The following RPS6KA1 variants were observed in gnomAD, a reference collection of about 807,000 sequenced individuals.
The protein encoded by RPS6KA1 is ribosomal protein S6 kinase A1.
RPS6KA1 carries 48 observed loss-of-function variants against 91.3 expected under a neutral mutation model. The observed-to-expected ratio is 0.53, with a 90% CI of 0.42 to 0.67. RPS6KA1 has a LOEUF of 0.67. RPS6KA1 is among the 30% of genes least tolerant of loss of function. The probability of loss-of-function intolerance (pLI) is 0.00; values close to 1 mark genes in which losing one functional copy is unlikely to be tolerated. For synonymous variants in RPS6KA1, 359 were observed against 384.7 expected (o/e 0.93, Z 0.78); for missense variants, 719 against 960.5 (o/e 0.75, Z 3.32).
intron 4 of RPS6KA1, among the ~76,000 whole-genome samples, chr1:26,549,397 C>T (rs971899317): frequency 2.6e-5 from 4 of 151,752 alleles, no homozygotes; most frequent in African/African-American, 9.7e-5. Context: ...ATGGTGAAAC[C>T]CTGTCTCTAC....
Position 26,574,006 on chromosome 1 carries a change from A to C in RPS6KA1, c.2086-73A>C. 6.5e-7 allele frequency: 1 copy of C among 1,548,642 alleles called. No individual in the cohort carries two copies. Among genetic ancestry groups the C allele is most frequent in the Non-Finnish European group, 8.8e-7 (1 of 1,135,952 alleles). ...GTGGAACACTGAGAGGGGCTGGCCTACCCTTGGGGCATGGATCCCCTCCCC... is the reference window on the plus strand; with the variant it reads ...GTGGAACACTGAGAGGGGCTGGCCTCCCCTTGGGGCATGGATCCCCTCCCC... On this transcript the variant is annotated intron_variant, in intron 21 of 21. Coordinates refer to ENST00000374168, the MANE Select transcript of RPS6KA1 (RefSeq NM_002953.4). The surrounding 1 kb of genome is among the most constrained non-coding windows in gnomAD (Gnocchi z 4.3).
At position 26,536,937 on chromosome 1, in the gene RPS6KA1, T is replaced by G; in HGVS notation, c.76T>G (p.Ser26Ala). 6.2e-7 allele frequency: 1 copy of G among 1,614,092 alleles called. No individual in the cohort carries two copies. The highest frequency in any genetic ancestry group is 8.5e-7 in the Non-Finnish European group (1 of 1,179,980). Residue 26 changes from serine (S) to alanine (A), a missense_variant, in exon 2 of 22, where the codon TCA becomes GCA. Ser to Ala is a moderately conservative substitution (Grantham distance 99). Transcript: ENST00000374168. ...VPLDPENGQT[S>A]GEEAGLQPSK... ...TTCTCTTTTCCAGAATGGACAGACCTCAGGGGAAGAAGCTGGACTTCAGCC... is the reference window on the plus strand; with the variant it reads ...TTCTCTTTTCCAGAATGGACAGACCGCAGGGGAAGAAGCTGGACTTCAGCC...
Position 26,555,354 on chromosome 1 carries a change from A to G in RPS6KA1, c.827+133A>G. The G allele has an allele frequency of 9.5e-7, 1 of 1,048,040 alleles. No homozygotes were observed. Among genetic ancestry groups the G allele is most frequent in the Non-Finnish European group, 1.4e-6 (1 of 706,192 alleles). The allele number at this position is 1,048,040 out of a possible 1,614,324, so 64.9% of individuals were successfully genotyped here. A position where few individuals can be genotyped will look rare whatever the true frequency, so the allele number is the denominator to read the frequency against. ...GAGACTCTCCTCTGGGTTAAACATT[A>G]TACCTTCCAGAGCCCCTCTTTCATC... On this transcript the variant is annotated intron_variant, in intron 10 of 21. Coordinates refer to ENST00000374168, the MANE Select transcript of RPS6KA1 (RefSeq NM_002953.4). This position sits in a 1 kb window ranked among gnomAD's most constrained non-coding sequence, Gnocchi z 4.3.
At chr1:26,564,551 C>G (rs181828870) in intron 17 of RPS6KA1, among the ~76,000 whole-genome samples, 32 of 152,314 alleles carry the variant, frequency 2.1e-4, no homozygotes, top group Admixed American at 1.9e-3. Flanking sequence ...AGCCACCGCG[C>G]CCGGCCACGC....
At position 26,573,316 on chromosome 1, in the gene RPS6KA1, G is replaced by A; in HGVS notation, c.2040G>A (p.Lys680=). 4 of 1,614,204 alleles carry A rather than the reference G, an allele frequency of 2.5e-6. No homozygotes were observed. Among genetic ancestry groups the A allele is most frequent in the Non-Finnish European group, 3.4e-6 (4 of 1,180,030 alleles). Reference sequence around the variant, plus strand: ...ATCCATGGGTCACCCAGAAAGACAAGCTTCCCCAAAGCCAGCTGTCCCACC... The same window carrying A: ...ATCCATGGGTCACCCAGAAAGACAAACTTCCCCAAAGCCAGCTGTCCCACC... The part of the protein sequence containing the change: ...LQHPWVTQKD[K]LPQSQLSHQD... The change falls in exon 21 of 22, where the codon AAG becomes AAA. Residue 680 remains lysine, a synonymous_variant. Coordinates refer to ENST00000374168, the MANE Select transcript of RPS6KA1 (RefSeq NM_002953.4).
chr1:26,534,573 A>G (rs368086051), intron 1 of RPS6KA1, among the ~76,000 whole-genome samples: 6 of 152,192 alleles, frequency 3.9e-5, no homozygotes, highest in African/African-American at 1.4e-4. Context: ...TGTTCAGTTT[A>G]GCTCAAAAAT....
intron 17 of RPS6KA1, among the ~76,000 whole-genome samples, chr1:26,566,813 T>C (rs183268991): frequency 6.6e-6 from 1 of 152,150 alleles, no homozygotes; most frequent in African/African-American, 2.4e-5. Context: ...TTCTATAAGG[T>C]TATGGACTCT....
intron 1 of RPS6KA1, among the ~76,000 whole-genome samples, chr1:26,535,273 G>C (rs1429061251): frequency 2.0e-5 from 3 of 152,004 alleles, no homozygotes; most frequent in Non-Finnish European, 4.4e-5. Context: ...AAGGGGCTCA[G>C]GGGGCAGGAT....
intron 11 of RPS6KA1, 28 bp from the exon 12 acceptor site, chr1:26,556,626 G>A: frequency 6.2e-7 from 1 of 1,613,738 alleles, no homozygotes; most frequent in Non-Finnish European, 8.5e-7. Context: ...GCCAGCCAGG[G>A]ACAGACCCTT....
chr1:26,573,281 G>A lies in RPS6KA1; in HGVS notation c.2005G>A (p.Val669Ile). The part of the protein sequence containing the change: ...DPHQRLTAKQ[V>I]LQHPWVTQKD... ...CCACCAGCGCCTCACAGCTAAGCAG[G>A]TTCTGCAGCATCCATGGGTCACCCA... Residue 669 changes from valine to isoleucine, a missense_variant, in exon 21 of 22, where the codon GTT (valine) becomes ATT (isoleucine). Physicochemically the swap from Val to Ile is conservative, Grantham distance 29. Transcript: ENST00000374168. 2 of 1,614,212 alleles carry A rather than the reference G, an allele frequency of 1.2e-6. No individual in the cohort carries two copies. Among genetic ancestry groups the A allele is most frequent in the Non-Finnish European group, 1.7e-6 (2 of 1,180,034 alleles).
In RPS6KA1 at chr1:26,555,523, G is replaced by A. The variant is rs561553098; in HGVS notation, c.828-14G>A. On this transcript the variant is annotated splice_polypyrimidine_tract_variant and intron_variant, in intron 10 of 21. Coordinates refer to ENST00000374168, the MANE Select transcript of RPS6KA1 (RefSeq NM_002953.4). This position sits in a 1 kb window ranked among gnomAD's most constrained non-coding sequence, Gnocchi z 4.3. The stretch of plus-strand genomic sequence containing the variant: ...GCAGGGCTCAGCCTTGATGAGTCCC[G>A]GGGGCTGTTTCAGGGCGAAGCTAGG... The A allele has an allele frequency of 6.4e-6, 10 of 1,573,634 alleles. No individual in the cohort carries two copies. Among genetic ancestry groups the A allele is most frequent in the South Asian group, 2.3e-5 (2 of 86,282 alleles).
chr1:26,564,519 A>G (rs2076182205), intron 17 of RPS6KA1, among the ~76,000 whole-genome samples: 1 of 152,236 alleles, frequency 6.6e-6, no homozygotes, highest in East Asian at 1.9e-4. Flanking sequence ...CGGCCTCCCA[A>G]AGAGCTGAGA....
chr1:26,560,648 G>A, intron 14 of RPS6KA1, 78 bp from the exon 15 acceptor site: 1 of 1,578,150 alleles, frequency 6.3e-7, no homozygotes, highest in Non-Finnish European at 8.7e-7. Context: ...TCTCTACTGA[G>A]CCAAGACCTT....
rs370912225 is a variant in RPS6KA1, at chr1:26,551,508, C to T, written c.388+31C>T. 1.2e-6 allele frequency: 2 copies of T among 1,609,234 alleles called. No individual in the cohort carries two copies. Among genetic ancestry groups the T allele is most frequent in the East Asian group, 2.2e-5 (1 of 44,862 alleles). ...GCTTCTGGCCCTGCCTGAGCTCCTA[C>T]CCCACCCATCCTTCGCCCTTGCCTG... is the stretch of plus-strand genomic sequence containing the variant. On this transcript the variant is annotated intron_variant, in intron 5 of 21. Coordinates refer to ENST00000374168, the MANE Select transcript of RPS6KA1 (RefSeq NM_002953.4). The surrounding 1 kb of genome is among the most constrained non-coding windows in gnomAD (Gnocchi z 4.5).
At position 26,539,048 on chromosome 1, in the gene RPS6KA1, G is replaced by A. The variant is rs76341216; in HGVS notation, c.108+2079G>A. Among the ~76,000 whole-genome samples, 322 of 152,364 alleles carry A rather than the reference G, an allele frequency of 2.1e-3. 5 individuals are homozygous for A. The highest frequency in any genetic ancestry group is 7.3e-3 in the African/African-American group (302 of 41,578). On this transcript the variant is annotated intron_variant, in intron 2 of 21. Transcript: ENST00000374168. The stretch of plus-strand genomic sequence containing the variant: ...GAGAAGCTTCCAATCTTTGGGCAGA[G>A]GGTAGAGACAGGAAAGCCATGTGGT...
At chr1:26,544,344 G>A (rs773759953) in intron 2 of RPS6KA1, among the ~76,000 whole-genome samples, 2 of 152,082 alleles carry the variant, frequency 1.3e-5, no homozygotes, top group Non-Finnish European at 2.9e-5. Context: ...GTCCCCTTCT[G>A]TCTCTGCCTG....
At position 26,540,532 on chromosome 1, in the gene RPS6KA1, C is replaced by T. The variant is rs2075939412; in HGVS notation, c.108+3563C>T. On this transcript the variant is annotated intron_variant, in intron 2 of 21. Coordinates refer to ENST00000374168, the MANE Select transcript of RPS6KA1 (RefSeq NM_002953.4). The surrounding 1 kb of genome is among the most constrained non-coding windows in gnomAD (Gnocchi z 4.2). Reference sequence around the variant, plus strand: ...CAAATAGTCACCACCTCTGGGCACCCACAACACCTTGATTATGGCTGTCTC... The same window carrying T: ...CAAATAGTCACCACCTCTGGGCACCTACAACACCTTGATTATGGCTGTCTC... Among the ~76,000 whole-genome samples, 1 of 152,208 alleles carries T rather than the reference C, an allele frequency of 6.6e-6. No homozygotes were observed. Among genetic ancestry groups the T allele is most frequent in the South Asian group, 2.1e-4 (1 of 4,830 alleles).
Position 26,554,156 on chromosome 1 carries a change from A to G in RPS6KA1, c.576-58A>G. 6.6e-7 allele frequency: 1 copy of G among 1,525,736 alleles called. No individual in the cohort carries two copies. Among genetic ancestry groups the G allele is most frequent in the South Asian group, 1.2e-5 (1 of 82,344 alleles). 94.5% of individuals were successfully genotyped at this position (1,525,736 alleles called of 1,614,324 possible). ...ACCCAACTCCCACAGCCCTGTGGTA[A>G]CACCATCACCCACACGGCCACAGCT... On this transcript the variant is annotated intron_variant, in intron 7 of 21. Transcript: ENST00000374168. This position sits in a 1 kb window ranked among gnomAD's most constrained non-coding sequence, Gnocchi z 4.6.
intron 17 of RPS6KA1, among the ~76,000 whole-genome samples, chr1:26,566,493 G>A (rs1170034849): frequency 6.6e-6 from 1 of 151,874 alleles, no homozygotes; most frequent in Non-Finnish European, 1.5e-5. Flanking sequence ...CACCATGTTG[G>A]CCAAACTGTT....
Sources: gnomAD v4.1 joint callset for allele counts (sites outside exome capture counted in the v4.1 genomes callset) on GRCh38, gnomAD v4.1.1 for gene constraint, Gnocchi (gnomAD v3.1) non-coding constraint, MANE v1.5 for transcripts, NCBI Gene and HGNC (gene_info 2026-07-23, HGNC 2026-07-21) for gene names.